The following ALX3 variants were observed in gnomAD, a reference collection of about 807,000 sequenced individuals.
The protein encoded by ALX3 is homeobox protein aristaless-like 3.
In ALX3, 17 loss-of-function variants were observed where a neutral mutation model predicts 26.3. That is an observed-to-expected ratio of 0.65 (90% CI 0.44 to 0.97). The LOEUF is 0.97. ALX3 is among the 50% of genes least tolerant of loss of function. The pLI is 0.00. For missense variants in ALX3, 461 were observed against 466.5 expected, an observed-to-expected ratio of 0.99 and a Z score of 0.11; for synonymous variants, 208 against 201.4, an observed-to-expected ratio of 1.03 and a Z score of -0.28.
intron 1 of ALX3, among the ~76,000 whole-genome samples, chr1:110,068,385 T>G (rs1181658649): frequency 6.6e-6 from 1 of 152,220 alleles, no homozygotes; most frequent in African/African-American, 2.4e-5. Context: ...CGCGCCGCGC[T>G]GCGCCGAGGT....
In ALX3 at chr1:110,070,644, C is replaced by G; in HGVS notation, c.-32G>C. ...TCAGGGCGCACAGGCCTCCGGGGCT[C>G]CGGGGCTCGCGCTGCCCGCGCCGCC... On this transcript the variant is annotated 5_prime_UTR_variant, in exon 1 of 4. Coordinates refer to ENST00000647563, the MANE Select transcript of ALX3 (RefSeq NM_006492.3). 2 of 1,200,248 alleles carry G rather than the reference C, an allele frequency of 1.7e-6. No individual in the cohort carries two copies. The highest frequency in any genetic ancestry group is 1.6e-5 in the African/African-American group (1 of 61,872). 74.3% of individuals were successfully genotyped at this position (1,200,248 alleles called of 1,614,324 possible). A position where few individuals can be genotyped will look rare whatever the true frequency, so the allele number is the denominator to read the frequency against.
Position 110,070,532 on chromosome 1 carries a change from GC to G in ALX3, c.80del (p.Gly27AlafsTer22). ...PYVASGDEPP[G>X]PQGTPAAAPH... is the part of the protein sequence containing the mutation. ...GCGCAGCGGCGGGGGTTCCCTGCGG[GC>G]CCGGAGGCTCGTCCCCCGAGGCCAC... On this transcript the variant is annotated frameshift_variant, in exon 1 of 4. Coordinates refer to ENST00000647563, the MANE Select transcript of ALX3 (RefSeq NM_006492.3). LOFTEE classifies it high-confidence loss of function. 2 of 1,292,268 alleles carry G rather than the reference GC, an allele frequency of 1.5e-6. No individual in the cohort carries two copies. The highest frequency in any genetic ancestry group is 4.5e-5 in the South Asian group (2 of 44,020). The allele number at this position is 1,292,268 out of a possible 1,614,324, so 80.1% of individuals were successfully genotyped here. A position where few individuals can be genotyped will look rare whatever the true frequency, so the allele number is the denominator to read the frequency against.
Position 110,064,827 on chromosome 1 carries a change from G to A in ALX3, c.354C>T (p.Pro118=). Residue 118 remains proline, a synonymous_variant, in exon 2 of 4, where the codon CCC becomes CCT. Transcript: ENST00000647563. ...GGCCTGGGGAGCCTTGCAAGTTAGA[G>A]GGCCCGTCTCTGGGGCCCCCTCGGC... is the stretch of plus-strand genomic sequence containing the variant. ...LDCRGGPRDG[P]SNLQGSPGPC... is the part of the protein sequence containing the mutation. The A allele has an allele frequency of 1.2e-6, 2 of 1,613,726 alleles. No individual in the cohort carries two copies. Among genetic ancestry groups the A allele is most frequent in the African/African-American group, 1.3e-5 (1 of 75,014 alleles).
chr1:110,063,715 G>T lies in ALX3; in HGVS notation c.594+872C>A, dbSNP rs540453203. The stretch of plus-strand genomic sequence containing the variant: ...CCACCCCTCCCAGTGTCTCCTGCTT[G>T]GTATCGGGAAGCCTGCTTTGATCGA... On this transcript the variant is annotated intron_variant, in intron 2 of 3. Coordinates refer to ENST00000647563, the MANE Select transcript of ALX3 (RefSeq NM_006492.3). Among the ~76,000 whole-genome samples the T allele has an allele frequency of 2.6e-5, 4 of 151,668 alleles. No homozygotes were observed. In the East Asian group the frequency reaches 7.9e-4, roughly 30 times the overall value.
intron 1 of ALX3, among the ~76,000 whole-genome samples, chr1:110,065,438 A>G (rs527492846): frequency 2.0e-5 from 3 of 152,162 alleles, no homozygotes; most frequent in Non-Finnish European, 1.5e-5. Context: ...GCTGAGCTTT[A>G]TTCTCTGAAC....
chr1:110,061,359 G>T, intron 3 of ALX3, 76 bp downstream of exon 3: 2 of 1,608,024 alleles, frequency 1.2e-6, no homozygotes, highest in Non-Finnish European at 1.7e-6. Flanking sequence ...ACGCTCTCCA[G>T]GTTTCTTCAG....
chr1:110,069,647 A>C (rs1255182355), intron 1 of ALX3, among the ~76,000 whole-genome samples: 1 of 152,248 alleles, frequency 6.6e-6, no homozygotes, highest in Non-Finnish European at 1.5e-5. Flanking sequence ...GACTGCCAGA[A>C]GGGCGGCTAT....
rs1203288334 is a variant in ALX3 at position 110,070,633 on chromosome 1, C to CCTCCGGGG, written c.-29_-22dup. The CCTCCGGGG allele has an allele frequency of 1.2e-5, 15 of 1,210,820 alleles. No individual in the cohort carries two copies. Among genetic ancestry groups the CCTCCGGGG allele is most frequent in the East Asian group, 6.8e-5 (2 of 29,608 alleles). 75.0% of individuals were successfully genotyped at this position (1,210,820 alleles called of 1,614,324 possible). A position where few individuals can be genotyped will look rare whatever the true frequency, so the allele number is the denominator to read the frequency against. On this transcript the variant is annotated 5_prime_UTR_variant, in exon 1 of 4. Coordinates refer to ENST00000647563, the MANE Select transcript of ALX3 (RefSeq NM_006492.3). ...TCCATGCCGGCTCAGGGCGCACAGGCCTCCGGGGCTCCGGGGCTCGCGCTG... is the reference window on the plus strand; with the variant it reads ...TCCATGCCGGCTCAGGGCGCACAGGCCTCCGGGGCTCCGGGGCTCCGGGGCTCGCGCTG...
intron 1 of ALX3, among the ~76,000 whole-genome samples, chr1:110,067,363 G>A (rs1653815589): frequency 6.6e-6 from 1 of 152,230 alleles, no homozygotes. Flanking sequence ...GGGTACTCAT[G>A]TTGGAGACAG....
chr1:110,070,414 G>C lies in ALX3; in HGVS notation c.199C>G (p.Pro67Ala). The change falls in exon 1 of 4, where the codon CCG becomes GCG. Residue 67 changes from proline to alanine, a missense_variant. Pro to Ala is a conservative substitution (Grantham distance 27). This residue lies in a region of ALX3 where 241 missense variants were observed against 206.1 expected (regional missense o/e 1.17). Coordinates refer to ENST00000647563, the MANE Select transcript of ALX3 (RefSeq NM_006492.3). ...AGGTCCTGCAGGTACTTGGCGGGCGGCTTGGCCGGCTCTGGGAGGTAGGGC... is the reference window on the plus strand; with the variant it reads ...AGGTCCTGCAGGTACTTGGCGGGCGCCTTGGCCGGCTCTGGGAGGTAGGGC... Reference protein sequence around the residue: ...LEPYLPEPAKPPAKYLQDLGP... With the variant: ...LEPYLPEPAKAPAKYLQDLGP... 7.8e-7 allele frequency: 1 copy of C among 1,274,064 alleles called. No homozygotes were observed. Among genetic ancestry groups the C allele is most frequent in the Non-Finnish European group, 9.9e-7 (1 of 1,011,542 alleles). The allele number at this position is 1,274,064 out of a possible 1,614,324, so 78.9% of individuals were successfully genotyped here. A position where few individuals can be genotyped will look rare whatever the true frequency, so the allele number is the denominator to read the frequency against.
At chr1:110,065,055 C>G in intron 1 of ALX3, 152 bp from the exon 2 acceptor site, 1 of 846,894 alleles carries the variant, frequency 1.2e-6, no homozygotes, top group Non-Finnish European at 1.8e-6. Flanking sequence ...TCCATGGGAG[C>G]CTGGCATTTA....
At chr1:110,068,638 C>T (rs1329074947) in intron 1 of ALX3, among the ~76,000 whole-genome samples, 1 of 152,220 alleles carries the variant, frequency 6.6e-6, no homozygotes, top group Non-Finnish European at 1.5e-5. Flanking sequence ...TTTGTCCTTT[C>T]CCCCTTCTCT....
At position 110,068,948 on chromosome 1, in the gene ALX3, C is replaced by CG. The variant is rs1276669419; in HGVS notation, c.277+1387dup. On this transcript the variant is annotated intron_variant, in intron 1 of 3. Coordinates refer to ENST00000647563, the MANE Select transcript of ALX3 (RefSeq NM_006492.3). ...CAGTTCGCGCGGCACCGGTGTGGTC[C>CG]GGGGGCCCGAGCTGTCGGTGCCGGA... is the stretch of plus-strand genomic sequence containing the variant. 2.3e-4 allele frequency among the ~76,000 whole-genome samples: 35 copies of CG among 152,338 alleles called. No homozygotes were observed. In the East Asian group the frequency reaches 6.8e-3, roughly 29 times the overall value.
Position 110,060,542 on chromosome 1 carries a change from C to T in ALX3, c.*191G>A. The T allele has an allele frequency of 2.0e-6, 1 of 507,394 alleles. No individual in the cohort carries two copies. Among genetic ancestry groups the T allele is most frequent in the Non-Finnish European group, 3.4e-6 (1 of 294,170 alleles). The allele number at this position is 507,394 out of a possible 1,614,324, so 31.4% of individuals were successfully genotyped here. A position where few individuals can be genotyped will look rare whatever the true frequency, so the allele number is the denominator to read the frequency against. ...GGAAGAGTCCTGGCTGCTTCGAAGCCCCTTCTCCTAGGCAGCCCCACCTTG... is the reference window on the plus strand; with the variant it reads ...GGAAGAGTCCTGGCTGCTTCGAAGCTCCTTCTCCTAGGCAGCCCCACCTTG... On this transcript the variant is annotated 3_prime_UTR_variant, in exon 4 of 4. Coordinates refer to ENST00000647563, the MANE Select transcript of ALX3 (RefSeq NM_006492.3).
intron 1 of ALX3, among the ~76,000 whole-genome samples, chr1:110,070,127 G>T (rs900342142): frequency 1.3e-5 from 2 of 152,150 alleles, no homozygotes; most frequent in East Asian, 1.9e-4. Context: ...GCCGAGGAAC[G>T]GTGGTTCACC....
At chr1:110,062,615 G>GTC (rs1461187104) in intron 2 of ALX3, 1 of 514 alleles carries the variant, frequency 1.9e-3, no homozygotes, top group African/African-American at 0.036. Context: ...GTGTGTGTGT[G>GTC]TGTGTGTGTG....
chr1:110,062,092 T>C (rs1286588675), intron 2 of ALX3: 3 of 155,020 alleles, frequency 1.9e-5, no homozygotes, highest in Admixed American at 1.9e-4. Context: ...CAGCCTCATA[T>C]CCTGCCAGGC....
At chr1:110,061,900 G>A (rs1343178745) in intron 2 of ALX3, 4 of 319,430 alleles carry the variant, frequency 1.3e-5, no homozygotes, top group Non-Finnish European at 1.8e-5. Context: ...TGGGTATACT[G>A]TGTACATGTG....
Position 110,070,268 on chromosome 1 carries a change from G to A in ALX3, c.277+68C>T, listed in dbSNP as rs1418345953. On this transcript the variant is annotated intron_variant, in intron 1 of 3. Coordinates refer to ENST00000647563, the MANE Select transcript of ALX3 (RefSeq NM_006492.3). Reference sequence around the variant, plus strand: ...GCGGGAGAGATAAGCAGGAAGGCCCGGGTGGGCCCGGGTAAGGAAGAAGAA... The same window carrying A: ...GCGGGAGAGATAAGCAGGAAGGCCCAGGTGGGCCCGGGTAAGGAAGAAGAA... 2.2e-5 allele frequency: 28 copies of A among 1,278,022 alleles called. No homozygotes were observed. In the East Asian group the frequency reaches 6.3e-4, roughly 29 times the overall value. 79.2% of individuals were successfully genotyped at this position (1,278,022 alleles called of 1,614,324 possible). A position where few individuals can be genotyped will look rare whatever the true frequency, so the allele number is the denominator to read the frequency against.
Sources: allele counts gnomAD v4.1 joint callset (sites outside exome capture counted in the v4.1 genomes callset), GRCh38; gene constraint gnomAD v4.1.1; regional missense constraint gnomAD v4.1.1; transcripts MANE v1.5; gene names NCBI Gene and HGNC (gene_info 2026-07-23, HGNC 2026-07-21).